Variants in PLS3 observed in about 807,000 individuals in gnomAD.
PLS3 encodes the protein plastin-3.
Under a neutral mutation model 46.5 loss-of-function variants are expected in PLS3, and 11 were observed. The observed-to-expected ratio is 0.24, with a 90% CI of 0.15 to 0.39. The LOEUF (loss-of-function observed/expected upper bound fraction) is 0.39. PLS3 is among the 10% of genes least tolerant of loss of function. The pLI is 1.00. For synonymous variants in PLS3, 167 were observed against 162.2 expected (o/e 1.03, Z -0.22); for missense variants, 308 against 461.8 (o/e 0.67, Z 3.05).
intron 8 of PLS3, chrX:115,640,101 T>C (rs1603244461): frequency 1.8e-6 from 2 of 1,122,366 alleles, no homozygotes; most frequent in East Asian, 6.6e-5. Flanking sequence ...GCTTGTTTTG[T>C]CTGTCAAGCT....
At chrX:115,649,217 C>A (rs1300246739) in intron 15 of PLS3, among the ~76,000 whole-genome samples, 1 of 111,237 alleles carries the variant, frequency 9.0e-6, no homozygotes. Flanking sequence ...ATTATTAGCC[C>A]CAAATAATAG....
intron 2 of PLS3, among the ~76,000 whole-genome samples, chrX:115,614,833 C>G (rs1414124735): frequency 1.8e-5 from 2 of 111,641 alleles, no homozygotes; most frequent in Admixed American, 1.9e-4. Flanking sequence ...TTGGTCAAAC[C>G]AAATTGAACT....
At chrX:115,580,396 C>G (rs1348873850) in intron 1 of PLS3, among the ~76,000 whole-genome samples, 1 of 112,430 alleles carries the variant, frequency 8.9e-6, no homozygotes, top group Non-Finnish European at 1.9e-5. Flanking sequence ...GTTGAAGTTT[C>G]TTATTTTTTG....
At chrX:115,632,262 T>G (rs1196307744) in intron 5 of PLS3, among the ~76,000 whole-genome samples, 1 of 111,441 alleles carries the variant, frequency 9.0e-6, no homozygotes, top group East Asian at 2.8e-4. Flanking sequence ...ATGGCTTTCT[T>G]TCTGTAGAAA....
chrX:115,586,668 ACTC>A (rs2074311139), intron 1 of PLS3, among the ~76,000 whole-genome samples: 1 of 53,097 alleles, frequency 1.9e-5, no homozygotes, highest in African/African-American at 6.3e-5. Flanking sequence ...ATGGAGTGAG[ACTC>A]CGTCTCAAAA....
At chrX:115,625,051 C>T (rs1251712515) in intron 3 of PLS3, among the ~76,000 whole-genome samples, 2 of 111,656 alleles carry the variant, frequency 1.8e-5, no homozygotes, top group African/African-American at 6.5e-5. Context: ...ACTGTATTAA[C>T]CAAATGTCTG....
At chrX:115,582,605 C>T (rs2074285268) in intron 1 of PLS3, among the ~76,000 whole-genome samples, 1 of 112,280 alleles carries the variant, frequency 8.9e-6, no homozygotes, top group South Asian at 3.7e-4. Context: ...TGGTATTTTG[C>T]AGCCAATCTT....
intron 1 of PLS3, among the ~76,000 whole-genome samples, chrX:115,598,445 A>G (rs1025410123): frequency 1.8e-5 from 2 of 111,142 alleles, no homozygotes; most frequent in Non-Finnish European, 3.8e-5. Context: ...ACGTGAGGGC[A>G]TTTAGGTTTT....
Position 115,646,390 on chromosome X carries a change from G to A in PLS3, c.1378-12G>A. ...TGGAAGTCTTTAACCATTTACTCTT[G>A]TGCCTTTGCAGCTAGAAAACTGCAA... On this transcript the variant is annotated splice_polypyrimidine_tract_variant and intron_variant, in intron 12 of 15. Transcript: ENST00000355899. 5 of 1,207,075 alleles carry A rather than the reference G, an allele frequency of 4.1e-6. No individual in the cohort carries two copies.
intron 1 of PLS3, among the ~76,000 whole-genome samples, chrX:115,574,207 AT>A (rs1422875590): frequency 9.0e-6 from 1 of 111,211 alleles, no homozygotes; most frequent in African/African-American, 3.3e-5. Flanking sequence ...AAAAAGCCCC[AT>A]TTTCCTAGTT....
At chrX:115,607,157 G>A (rs1336723406) in intron 1 of PLS3, among the ~76,000 whole-genome samples, 16 of 110,767 alleles carry the variant, frequency 1.4e-4, no homozygotes, top group African/African-American at 4.9e-4. Flanking sequence ...GGAAGCTGAG[G>A]AGGGAGAATC....
intron 1 of PLS3, among the ~76,000 whole-genome samples, chrX:115,576,408 A>C (rs1341150684): frequency 1.8e-5 from 2 of 111,388 alleles, no homozygotes; most frequent in Non-Finnish European, 3.8e-5. Flanking sequence ...ATCTCTACTA[A>C]AAATAAAACA....
At position 115,578,905 on chromosome X, in the gene PLS3, G is replaced by A. The variant is rs1056582481; in HGVS notation, c.-9+17645G>A. ...AAGAAATGGCACAAAGAGATCCTGT[G>A]TACCTTTACCCAGTTTCTTCCAATG... On this transcript the variant is annotated intron_variant, in intron 1 of 15. Transcript: ENST00000355899. Among the ~76,000 whole-genome samples the A allele has an allele frequency of 7.2e-5, 8 of 110,472 alleles. No individual in the cohort carries two copies. The Admixed American group carries it at 7.8e-4, about 11-fold the overall frequency.
At chrX:115,617,718 C>T (rs1211775297) in intron 2 of PLS3, among the ~76,000 whole-genome samples, 1 of 111,778 alleles carries the variant, frequency 8.9e-6, no homozygotes, top group Non-Finnish European at 1.9e-5. Flanking sequence ...TTTCCTGTCC[C>T]TTTCTAAAAG....
chrX:115,585,287 C>T (rs1556632274), intron 1 of PLS3, among the ~76,000 whole-genome samples: 1 of 111,931 alleles, frequency 8.9e-6, no homozygotes, highest in African/African-American at 3.2e-5. Context: ...TATGCTTAAT[C>T]GGTATTTATC....
chrX:115,591,748 T>A (rs183592749), intron 1 of PLS3, among the ~76,000 whole-genome samples: 29 of 112,505 alleles, frequency 2.6e-4, no homozygotes, highest in East Asian at 1.7e-3. Flanking sequence ...GGTAGTTACC[T>A]ACTATTCCCT....
In PLS3 at chrX:115,610,889, A is replaced by G. The variant is rs186064975; in HGVS notation, c.73+566A>G. 479 of 1,066,507 alleles carry G rather than the reference A, an allele frequency of 4.5e-4. 3 individuals carry two copies. In the African/African-American group the frequency reaches 8.1e-3, roughly 18 times the overall value. The allele number at this position is 1,066,507 out of a possible 1,213,427, so 87.9% of individuals were successfully genotyped here. On this transcript the variant is annotated intron_variant, in intron 2 of 15. Transcript: ENST00000355899. ...TATTTGATTTATCCTTTATCATCATATAACATGCCTTACAATTGAGCAGCT... is the reference window on the plus strand; with the variant it reads ...TATTTGATTTATCCTTTATCATCATGTAACATGCCTTACAATTGAGCAGCT...
At position 115,643,356 on chromosome X, in the gene PLS3, C is replaced by T. The variant is rs782296803; in HGVS notation, c.1031C>T (p.Ala344Val). The T allele has an allele frequency of 8.3e-7, 1 of 1,197,687 alleles. No individual in the cohort carries two copies. The highest frequency in any genetic ancestry group is 1.8e-5 in the African/African-American group (1 of 56,719). ...AGAGCTGAGAGTATGCTTCAACAAGCAGATAAATTAGGTTGCAGACAGTTT... is the reference window on the plus strand; with the variant it reads ...AGAGCTGAGAGTATGCTTCAACAAGTAGATAAATTAGGTTGCAGACAGTTT... ...LKRAESMLQQ[A>V]DKLGCRQFVT... The change falls in exon 10 of 16, where the codon GCA becomes GTA. Residue 344 changes from alanine to valine, a missense_variant. Physicochemically the swap from Ala to Val is moderately conservative, Grantham distance 64. This residue lies in a region of PLS3 where 271 missense variants were observed against 435.7 expected (regional missense o/e 0.62). Coordinates refer to ENST00000355899, the MANE Select transcript of PLS3 (RefSeq NM_005032.7).
chrX:115,600,532 G>A (rs1428515159), intron 1 of PLS3, among the ~76,000 whole-genome samples: 1 of 112,208 alleles, frequency 8.9e-6, no homozygotes, highest in Non-Finnish European at 1.9e-5. Context: ...CATGAAATGA[G>A]ACTTGCAAAG....
Sources: gnomAD v4.1 joint callset for allele counts (sites outside exome capture counted in the v4.1 genomes callset) on GRCh38, gnomAD v4.1.1 for gene constraint, gnomAD v4.1.1 regional missense constraint, MANE v1.5 for transcripts, NCBI Gene and HGNC (gene_info 2026-07-23, HGNC 2026-07-21) for gene names.